Variants in MTA3 observed in about 807,000 individuals in gnomAD.
MTA3 encodes metastasis associated 1 family member 3, also known as metastasis-associated protein MTA3.
Under a neutral mutation model 83.5 loss-of-function variants are expected in MTA3, and 34 were observed. The ratio of observed to expected loss-of-function variants is 0.41; its 90% CI spans 0.31 to 0.54. The LOEUF is 0.54. MTA3 is among the 20% of genes least tolerant of loss of function. MTA3 has a pLI of 0.33. For missense variants in MTA3, 761 were observed against 726.4 expected (o/e 1.05, Z -0.55); for synonymous variants, 303 against 252.7 (o/e 1.20, Z -1.89).
Position 42,611,642 on chromosome 2 carries a change from C to G in MTA3, c.317+2058C>G, listed in dbSNP as rs188441128. Among the ~76,000 whole-genome samples the G allele has an allele frequency of 1.5e-3, 227 of 152,092 alleles. 1 individual carries two copies. Among genetic ancestry groups the G allele is most frequent in the Non-Finnish European group, 2.8e-3 (191 of 67,998 alleles). The stretch of plus-strand genomic sequence containing the variant: ...CCCAGCCTGGTCAGTAGAGCAAGAC[C>G]TTGTCTCTACCAAAAATATAAAAAT... On this transcript the variant is annotated intron_variant, in intron 4 of 16. Coordinates refer to ENST00000405094, the MANE Select transcript of MTA3 (RefSeq NM_001330442.2).
intron 15 of MTA3, among the ~76,000 whole-genome samples, chr2:42,720,406 C>T (rs1573751688): frequency 6.6e-6 from 1 of 152,104 alleles, no homozygotes; most frequent in Non-Finnish European, 1.5e-5. Flanking sequence ...GGGTCTCAAT[C>T]TCCTGACCTC....
chr2:42,712,268 G>C (rs1199671308), intron 14 of MTA3, among the ~76,000 whole-genome samples: 2 of 152,064 alleles, frequency 1.3e-5, no homozygotes, highest in African/African-American at 2.4e-5. Flanking sequence ...GGAAAGGGGT[G>C]GGAAGATTTA....
At chr2:42,655,759 C>A (rs1233955010) in intron 6 of MTA3, among the ~76,000 whole-genome samples, 1 of 152,160 alleles carries the variant, frequency 6.6e-6, no homozygotes, top group Non-Finnish European at 1.5e-5. Flanking sequence ...CCTGCTACCA[C>A]ACCCGGCTAA....
chr2:42,667,469 C>G lies in MTA3; in HGVS notation c.702+7607C>G, dbSNP rs1690326264. On this transcript the variant is annotated intron_variant, in intron 8 of 16. Coordinates refer to ENST00000405094, the MANE Select transcript of MTA3 (RefSeq NM_001330442.2). ...TTGTCTCTATGAATTTGACGGCTCT[C>G]AGTATCTCATAAGTTTTTCGTTACT... Among the ~76,000 whole-genome samples, 2 of 152,038 alleles carry G rather than the reference C, an allele frequency of 1.3e-5. 1 individual carries two copies. Among genetic ancestry groups the G allele is most frequent in the Admixed American group, 1.3e-4 (2 of 15,236 alleles).
intron 8 of MTA3, among the ~76,000 whole-genome samples, chr2:42,660,375 C>T (rs906650598): frequency 1.3e-5 from 2 of 152,164 alleles, no homozygotes; most frequent in Non-Finnish European, 2.9e-5. Context: ...GCATGAGCCA[C>T]CACACCCGGC....
At chr2:42,646,273 T>C (rs1433714264) in intron 6 of MTA3, among the ~76,000 whole-genome samples, 2 of 152,248 alleles carry the variant, frequency 1.3e-5, no homozygotes, top group African/African-American at 4.8e-5. Context: ...AGGAGGTGAA[T>C]GTTGTTTGCA....
chr2:42,594,869 A>T (rs1430107261), intron 3 of MTA3, among the ~76,000 whole-genome samples: 1 of 139,124 alleles, frequency 7.2e-6, no homozygotes, highest in African/African-American at 2.6e-5. Context: ...TGGGACTACA[A>T]GAGCCTGCCA....
At chr2:42,650,846 A>T (rs1688652259) in intron 6 of MTA3, among the ~76,000 whole-genome samples, 1 of 152,192 alleles carries the variant, frequency 6.6e-6, no homozygotes, top group African/African-American at 2.4e-5. Context: ...TAATTTGTAG[A>T]TATTCAAAAC....
chr2:42,605,666 T>C (rs1285691951), intron 3 of MTA3, among the ~76,000 whole-genome samples: 31 of 89,956 alleles, frequency 3.4e-4, no homozygotes, highest in African/African-American at 6.9e-4. Flanking sequence ...GGCGGGGGGC[T>C]GACCCCCCCA....
intron 15 of MTA3, among the ~76,000 whole-genome samples, chr2:42,720,597 C>T (rs992401012): frequency 1.3e-5 from 2 of 152,124 alleles, no homozygotes; most frequent in African/African-American, 4.8e-5. Context: ...AGAGTGCGGT[C>T]TGTATTCCCT....
intron 2 of MTA3, among the ~76,000 whole-genome samples, chr2:42,578,834 C>G (rs1679317727): frequency 2.0e-5 from 3 of 152,186 alleles, no homozygotes; most frequent in East Asian, 3.9e-4. Context: ...TCAGTGTTAA[C>G]TATGTCTGGC....
At chr2:42,533,083 CTTT>C (rs1165012015) in intron 2 of MTA3, 52 of 116,946 alleles carry the variant, frequency 4.4e-4, no homozygotes, top group South Asian at 1.8e-3. Context: ...GTGGGGCATT[CTTT>C]TTTTTTTTTT....
chr2:42,577,105 A>AAAAAAAAAAAATATATATAT (rs1211189566), intron 2 of MTA3, among the ~76,000 whole-genome samples: 2 of 86,952 alleles, frequency 2.3e-5, no homozygotes, highest in Admixed American at 1.3e-4. Flanking sequence ...AAAAAAAAAA[A>AAAAAAAAAAAATATATATAT]ATATATATAT....
At chr2:42,729,513 C>A (rs1187190973) in intron 16 of MTA3, among the ~76,000 whole-genome samples, 1 of 152,178 alleles carries the variant, frequency 6.6e-6, no homozygotes, top group Non-Finnish European at 1.5e-5. Context: ...CCAGTTTTCC[C>A]AGTGCCATTT....
intron 8 of MTA3, among the ~76,000 whole-genome samples, chr2:42,667,619 GAAAGAGAGA>G (rs1690384135): frequency 1.7e-5 from 1 of 57,618 alleles, no homozygotes; most frequent in African/African-American, 8.4e-5. Context: ...TATAGAGAGA[GAAAGAGAGA>G]GAGAGAGAGA....
Position 42,711,783 on chromosome 2 carries a change from A to AGTGT in MTA3, c.1525+2716_1525+2719dup, listed in dbSNP as rs763894802. Among the ~76,000 whole-genome samples the AGTGT allele has an allele frequency of 1.1e-3, 156 of 147,736 alleles. 1 individual carries two copies. Among genetic ancestry groups the AGTGT allele is most frequent in the Middle Eastern group, 3.4e-3 (1 of 292 alleles). On this transcript the variant is annotated intron_variant, in intron 14 of 16. Transcript: ENST00000405094. ...CTGGGAGTGTATAGGAGAGAGAGAG[A>AGTGT]GTGTGTGTGTGTGTGTGTGTGTGTG...
At chr2:42,620,286 T>C (rs1335582040) in intron 4 of MTA3, among the ~76,000 whole-genome samples, 1 of 151,960 alleles carries the variant, frequency 6.6e-6, no homozygotes, top group African/African-American at 2.4e-5. Context: ...GCCTGGCTTA[T>C]TTTTGTATTT....
At chr2:42,721,420 C>G (rs993740610) in intron 15 of MTA3, among the ~76,000 whole-genome samples, 2 of 151,758 alleles carry the variant, frequency 1.3e-5, no homozygotes, top group Admixed American at 6.6e-5. Context: ...CTCCACTTCC[C>G]AGGCTCAGGT....
At chr2:42,722,814 C>T (rs1667523032) in intron 15 of MTA3, 75 bp from the exon 16 acceptor site, 4 of 1,484,214 alleles carry the variant, frequency 2.7e-6, no homozygotes, top group South Asian at 1.3e-5. Flanking sequence ...AAGATGTGTG[C>T]CTATTAGCCA....
Sources: gnomAD v4.1 joint callset for allele counts (sites outside exome capture counted in the v4.1 genomes callset) on GRCh38, gnomAD v4.1.1 for gene constraint, MANE v1.5 for transcripts, NCBI Gene and HGNC (gene_info 2026-07-23, HGNC 2026-07-21) for gene names.